FBXO31: variants seen among roughly 807,000 people sequenced by gnomAD.
FBXO31 encodes the protein F-box protein 31, also known as F-box only protein 31.
A neutral mutation model predicts 54.4 loss-of-function variants in FBXO31; 24 were observed. The ratio of observed to expected loss-of-function variants is 0.44; its 90% CI spans 0.32 to 0.62. The LOEUF (loss-of-function observed/expected upper bound fraction) is 0.62. Among genes scored for constraint, FBXO31 ranks in the 20% least tolerant of loss-of-function variants. The probability of loss-of-function intolerance (pLI) is 0.05; values close to 1 mark genes in which losing one functional copy is unlikely to be tolerated. For synonymous variants in FBXO31, 388 were observed against 335.6 expected, an observed-to-expected ratio of 1.16 and a Z score of -1.71; for missense variants, 665 against 787.1, an observed-to-expected ratio of 0.84 and a Z score of 1.86.
upstream of FBXO31, among the ~76,000 whole-genome samples, chr16:87,386,666 A>G (rs4843241): frequency 0.94 from 143,725 of 152,228 alleles, 68,431 homozygotes; most frequent in East Asian, 1. Flanking sequence ...ATTCCTGACC[A>G]GAGGCGATCC....
At chr16:87,374,724 G>A (rs887543266) in intron 1 of FBXO31, among the ~76,000 whole-genome samples, 2 of 152,248 alleles carry the variant, frequency 1.3e-5, no homozygotes, top group Non-Finnish European at 2.9e-5. Context: ...GGACCATGCT[G>A]GCTAGTGTGC....
intron 1 of FBXO31, among the ~76,000 whole-genome samples, chr16:87,374,983 G>C (rs1464386304): frequency 6.6e-6 from 1 of 152,102 alleles, no homozygotes; most frequent in Non-Finnish European, 1.5e-5. Flanking sequence ...AGGAGTTCAA[G>C]ACTAGCCTGG....
chr16:87,343,403 A>G (rs1298124479), intron 4 of FBXO31, among the ~76,000 whole-genome samples, 195 bp downstream of exon 4: 1 of 152,266 alleles, frequency 6.6e-6, no homozygotes, highest in Non-Finnish European at 1.5e-5. Context: ...AGAGGGGTCC[A>G]GCAAGTGACC....
chr16:87,369,273 C>G (rs1205041775), intron 1 of FBXO31, among the ~76,000 whole-genome samples: 2 of 152,066 alleles, frequency 1.3e-5, no homozygotes, highest in Non-Finnish European at 2.9e-5. Context: ...CGTGCAGCCT[C>G]CTCCACCATC....
chr16:87,388,148 G>A (rs920310847), upstream of FBXO31, among the ~76,000 whole-genome samples: 1 of 152,238 alleles, frequency 6.6e-6, no homozygotes, highest in African/African-American at 2.4e-5. Flanking sequence ...TTAGGAAACA[G>A]CTGCGGGTCG....
Position 87,345,243 on chromosome 16 carries a change from G to T in FBXO31, c.490-1478C>A, listed in dbSNP as rs185909156. Among the ~76,000 whole-genome samples the T allele has an allele frequency of 6.6e-6, 1 of 152,080 alleles. No homozygotes were observed. The highest frequency in any genetic ancestry group is 1.5e-5 in the Non-Finnish European group (1 of 67,984). On this transcript the variant is annotated intron_variant, in intron 3 of 8. Transcript: ENST00000311635. The surrounding 1 kb of genome is among the most constrained non-coding windows in gnomAD (Gnocchi z 4.9). ...CGATGGCAACAGTGACACCTCAGGGGCCAGCTGCCTGCCCAGAGCTCAACA... is the reference window on the plus strand; with the variant it reads ...CGATGGCAACAGTGACACCTCAGGGTCCAGCTGCCTGCCCAGAGCTCAACA...
At chr16:87,333,801 C>T in intron 8 of FBXO31, 85 bp downstream of exon 8, 1 of 1,474,732 alleles carries the variant, frequency 6.8e-7, no homozygotes, top group Non-Finnish European at 9.1e-7. Flanking sequence ...CAGGCCCTCT[C>T]CGCCTGTGCT....
intron 2 of FBXO31, among the ~76,000 whole-genome samples, chr16:87,348,667 G>A (rs953993351): frequency 6.6e-6 from 1 of 152,172 alleles, no homozygotes; most frequent in Non-Finnish European, 1.5e-5. Context: ...CACCCATCTG[G>A]GTCGCTGGAA....
rs1469127634 is a variant in FBXO31 at position 87,329,503 on chromosome 16, AGT to A, written c.*1783_*1784del. The A allele has an allele frequency of 2.0e-5, 3 of 152,310 alleles. No homozygotes were observed. Among genetic ancestry groups the A allele is most frequent in the Non-Finnish European group, 4.4e-5 (3 of 68,068 alleles). The allele number at this position is 152,310 out of a possible 1,614,324, so 9.4% of individuals were successfully genotyped here. On this transcript the variant is annotated 3_prime_UTR_variant, in exon 9 of 9. Coordinates refer to ENST00000311635, the MANE Select transcript of FBXO31 (RefSeq NM_024735.5). Reference sequence around the variant, plus strand: ...AACAATGGTGAATCTTCAAGGTGCCAGTCTACATGCCCAACAGTCCTCCAGGC... The same window carrying A: ...AACAATGGTGAATCTTCAAGGTGCCACTACATGCCCAACAGTCCTCCAGGC...
rs1905043884 is a variant in FBXO31 at position 87,336,269 on chromosome 16, C to G, written c.733-5G>C. The G allele has an allele frequency of 6.2e-7, 1 of 1,613,412 alleles. No homozygotes were observed. Among genetic ancestry groups the G allele is most frequent in the African/African-American group, 1.3e-5 (1 of 75,046 alleles). ...CCTCAGCCACGTCCGAAACTCCTTC[C>G]AAAAGAACACAGGTCATGAATATCC... On this transcript the variant is annotated splice_region_variant and splice_polypyrimidine_tract_variant and intron_variant, in intron 5 of 8. Coordinates refer to ENST00000311635, the MANE Select transcript of FBXO31 (RefSeq NM_024735.5). The surrounding 1 kb of genome is among the most constrained non-coding windows in gnomAD (Gnocchi z 6.5).
chr16:87,380,411 GT>G (rs202230227), intron 1 of FBXO31, among the ~76,000 whole-genome samples: 3 of 151,606 alleles, frequency 2.0e-5, no homozygotes, highest in Non-Finnish European at 2.9e-5. Flanking sequence ...TTTTTCATGG[GT>G]TTTTTTTGCG....
At position 87,327,381 on chromosome 16, in the gene FBXO31, G is replaced by A. The variant is rs1904682958; in HGVS notation, c.*3907C>T. 1 of 152,672 alleles carries A rather than the reference G, an allele frequency of 6.5e-6. No individual in the cohort carries two copies. The highest frequency in any genetic ancestry group is 2.1e-4 in the South Asian group (1 of 4,846). The allele number at this position is 152,672 out of a possible 1,614,324, so 9.5% of individuals were successfully genotyped here. A position where few individuals can be genotyped will look rare whatever the true frequency, so the allele number is the denominator to read the frequency against. ...ATTCAAAGACAGGCCCCAAGGCTGG[G>A]GCGCAGGGGCTCACGCCTGTAATCC... On this transcript the variant is annotated 3_prime_UTR_variant, in exon 9 of 9. Transcript: ENST00000311635.
At chr16:87,374,021 C>G (rs760773671) in intron 1 of FBXO31, among the ~76,000 whole-genome samples, 32 of 152,186 alleles carry the variant, frequency 2.1e-4, no homozygotes, top group Non-Finnish European at 4.1e-4. Flanking sequence ...AGGAGGTTCC[C>G]TTGAGGCCAG....
chr16:87,351,982 G>A (rs1024609448), intron 2 of FBXO31, among the ~76,000 whole-genome samples: 3 of 152,284 alleles, frequency 2.0e-5, no homozygotes, highest in East Asian at 1.9e-4. Flanking sequence ...ACGAGAAAAC[G>A]TCAACGCCAG....
At position 87,334,230 on chromosome 16, in the gene FBXO31, C is replaced by T. The variant is rs771032227; in HGVS notation, c.1053G>A (p.Arg351=). The T allele has an allele frequency of 2.5e-5, 40 of 1,610,728 alleles. No individual in the cohort carries two copies. The South Asian group carries it at 4.1e-4, about 16-fold the overall frequency. ...QQTVEIDLRH[R]IQLPDLENQR... ...GGTTCTCGAGGTCGGGCAGCTGGATCCGATGCCTCAGGTCGATCTCCACTG... is the reference window on the plus strand; with the variant it reads ...GGTTCTCGAGGTCGGGCAGCTGGATTCGATGCCTCAGGTCGATCTCCACTG... Residue 351 remains arginine, a synonymous_variant, in exon 8 of 9, where the codon CGG becomes CGA. Coordinates refer to ENST00000311635, the MANE Select transcript of FBXO31 (RefSeq NM_024735.5).
Position 87,330,519 on chromosome 16 carries a change from A to T in FBXO31, c.*769T>A, listed in dbSNP as rs1423411750. 6.6e-6 allele frequency: 1 copy of T among 152,576 alleles called. No individual in the cohort carries two copies. Among genetic ancestry groups the T allele is most frequent in the African/African-American group, 2.4e-5 (1 of 41,462 alleles). The allele number at this position is 152,576 out of a possible 1,614,324, so 9.5% of individuals were successfully genotyped here. A position where few individuals can be genotyped will look rare whatever the true frequency, so the allele number is the denominator to read the frequency against. On this transcript the variant is annotated 3_prime_UTR_variant, in exon 9 of 9. Coordinates refer to ENST00000311635, the MANE Select transcript of FBXO31 (RefSeq NM_024735.5). ...CTGTCTGGAACAGGCCGTCGAGGAC[A>T]GTCAAGTGGCTGGAACGATGGCCTT...
intron 2 of FBXO31, among the ~76,000 whole-genome samples, chr16:87,350,833 A>G (rs1445347122): frequency 6.6e-6 from 1 of 152,190 alleles, no homozygotes; most frequent in African/African-American, 2.4e-5. Context: ...ACGCCTGGCA[A>G]TCCCAAAGTG....
chr16:87,352,389 A>G (rs907232633), intron 2 of FBXO31, among the ~76,000 whole-genome samples: 2 of 152,240 alleles, frequency 1.3e-5, no homozygotes, highest in African/African-American at 4.8e-5. Context: ...AACATCTGGT[A>G]GTAGATTACC....
At position 87,346,197 on chromosome 16, in the gene FBXO31, C is replaced by A. The variant is rs562231453; in HGVS notation, c.489+977G>T. Among the ~76,000 whole-genome samples the A allele has an allele frequency of 6.6e-6, 1 of 152,136 alleles. No homozygotes were observed. The highest frequency in any genetic ancestry group is 1.5e-5 in the Non-Finnish European group (1 of 68,016). On this transcript the variant is annotated intron_variant, in intron 3 of 8. Transcript: ENST00000311635. This position sits in a 1 kb window ranked among gnomAD's most constrained non-coding sequence, Gnocchi z 4.2. ...ACGGGACGCTTCCCCAAGCCTGAGACGCGCGCATACCCCGGGCCTGCGCAG... is the reference window on the plus strand; with the variant it reads ...ACGGGACGCTTCCCCAAGCCTGAGAAGCGCGCATACCCCGGGCCTGCGCAG...
Sources: gnomAD v4.1 joint callset for allele counts (sites outside exome capture counted in the v4.1 genomes callset) on GRCh38, gnomAD v4.1.1 for gene constraint, Gnocchi (gnomAD v3.1) non-coding constraint, MANE v1.5 for transcripts, NCBI Gene and HGNC (gene_info 2026-07-23, HGNC 2026-07-21) for gene names.